The following FSIP1 variants were observed in gnomAD, a reference collection of about 807,000 sequenced individuals.
FSIP1 encodes the protein fibrous sheath-interacting protein 1.
Under a neutral mutation model 60.9 loss-of-function variants are expected in FSIP1, and 65 were observed. That is an observed-to-expected ratio of 1.07 (90% CI 0.87 to 1.31). FSIP1 has a LOEUF of 1.31. FSIP1 is among the 40% of genes most tolerant of loss of function. The pLI, the probability that FSIP1 is intolerant of heterozygous loss-of-function variation, is 0.00. For synonymous variants in FSIP1, 209 were observed against 221.2 expected, an observed-to-expected ratio of 0.94 and a Z score of 0.49; for missense variants, 675 against 665.5, an observed-to-expected ratio of 1.01 and a Z score of -0.16.
At chr15:39,761,160 T>C (rs529286795) in intron 5 of FSIP1, among the ~76,000 whole-genome samples, 1 of 152,258 alleles carries the variant, frequency 6.6e-6, no homozygotes, top group East Asian at 1.9e-4. Context: ...GAAAAGTGTA[T>C]GGAGGATCCT....
At chr15:39,655,076 G>A (rs1893020045) in intron 10 of FSIP1, among the ~76,000 whole-genome samples, 1 of 152,324 alleles carries the variant, frequency 6.6e-6, no homozygotes, top group African/African-American at 2.4e-5. Flanking sequence ...ATTAGGGTAT[G>A]GAAGTTGATA....
intron 10 of FSIP1, among the ~76,000 whole-genome samples, chr15:39,691,089 CTT>C (rs1015428438): frequency 2.0e-5 from 3 of 152,192 alleles, no homozygotes; most frequent in Non-Finnish European, 4.4e-5. Flanking sequence ...CACTGTGAGA[CTT>C]TGTCTCGCCA....
intron 10 of FSIP1, among the ~76,000 whole-genome samples, chr15:39,697,267 A>G (rs915578154): frequency 6.6e-6 from 1 of 152,178 alleles, no homozygotes; most frequent in Non-Finnish European, 1.5e-5. Context: ...ACAAAAACAA[A>G]AAAACCTAAA....
chr15:39,711,676 C>CTTTTTTTTT (rs66840718), intron 10 of FSIP1, among the ~76,000 whole-genome samples: 31 of 85,746 alleles, frequency 3.6e-4, no homozygotes, highest in Admixed American at 9.6e-4. Context: ...ATTCCTACTT[C>CTTTTTTTTT]TTTTTTTTTT....
At chr15:39,732,306 G>A (rs1341675027) in intron 8 of FSIP1, among the ~76,000 whole-genome samples, 4 of 152,166 alleles carry the variant, frequency 2.6e-5, no homozygotes, top group Non-Finnish European at 5.9e-5. Context: ...AGAGATTCAA[G>A]AGAAGATTAC....
At chr15:39,670,566 CAAT>C (rs1197056901) in intron 10 of FSIP1, among the ~76,000 whole-genome samples, 1 of 152,120 alleles carries the variant, frequency 6.6e-6, no homozygotes, top group Non-Finnish European at 1.5e-5. Context: ...ACTGCAGCCT[CAAT>C]ATTATTTTCT....
chr15:39,687,733 T>A (rs560634626), intron 10 of FSIP1, among the ~76,000 whole-genome samples: 135 of 152,344 alleles, frequency 8.9e-4, no homozygotes, highest in African/African-American at 3.1e-3. Context: ...AAGCCCTTAA[T>A]CAATGCTTGT....
At chr15:39,639,728 G>T (rs1892283213) in intron 10 of FSIP1, among the ~76,000 whole-genome samples, 1 of 152,024 alleles carries the variant, frequency 6.6e-6, no homozygotes, top group Admixed American at 6.6e-5. Context: ...TACTGTAAAG[G>T]GTTGAGTATC....
chr15:39,686,477 T>G (rs932569287), intron 10 of FSIP1, among the ~76,000 whole-genome samples: 1 of 152,294 alleles, frequency 6.6e-6, no homozygotes, highest in Non-Finnish European at 1.5e-5. Context: ...TATCGCCCCT[T>G]GGCAATGCAT....
rs965954960 is a variant in FSIP1 at position 39,742,388 on chromosome 15, G to C, written c.560-488C>G. Among the ~76,000 whole-genome samples, 8 of 152,180 alleles carry C rather than the reference G, an allele frequency of 5.3e-5. 1 individual carries two copies. The highest frequency in any genetic ancestry group is 1.2e-4 in the Non-Finnish European group (8 of 68,024). ...TTAGCAGTTAACTTTCTTCTTTTCT[G>C]ATGTATTTTCTTGGCACCTCCATAA... On this transcript the variant is annotated intron_variant, in intron 5 of 11. Transcript: ENST00000350221.
At chr15:39,781,860 T>C (rs1162511934) in intron 1 of FSIP1, among the ~76,000 whole-genome samples, 6 of 152,238 alleles carry the variant, frequency 3.9e-5, no homozygotes, top group African/African-American at 1.4e-4. Flanking sequence ...GGGTTCATGA[T>C]GAAACTTCCG....
chr15:39,709,598 A>G (rs1316740625), intron 10 of FSIP1, among the ~76,000 whole-genome samples: 1 of 152,138 alleles, frequency 6.6e-6, no homozygotes, highest in Non-Finnish European at 1.5e-5. Context: ...TACTCTCTTG[A>G]TTTTAAAGCA....
At chr15:39,769,244 A>C (rs984983266) in intron 3 of FSIP1, among the ~76,000 whole-genome samples, 14 of 149,802 alleles carry the variant, frequency 9.3e-5, no homozygotes, top group South Asian at 2.1e-4. Flanking sequence ...GCGCCACTGC[A>C]CTCCAGCCTG....
At chr15:39,731,129 A>G (rs1896388593) in intron 8 of FSIP1, among the ~76,000 whole-genome samples, 1 of 152,182 alleles carries the variant, frequency 6.6e-6, no homozygotes. Context: ...CAATATAAGG[A>G]TTATGATATA....
chr15:39,628,281 A>G (rs1891726215), intron 10 of FSIP1, among the ~76,000 whole-genome samples: 1 of 152,204 alleles, frequency 6.6e-6, no homozygotes, highest in African/African-American at 2.4e-5. Flanking sequence ...AGCCAGGGAG[A>G]GAAAGCCAAG....
intron 10 of FSIP1, among the ~76,000 whole-genome samples, chr15:39,669,305 C>A (rs1893625118): frequency 6.6e-6 from 1 of 152,224 alleles, no homozygotes; most frequent in Non-Finnish European, 1.5e-5. Flanking sequence ...GCCTGCATGG[C>A]AGTTCAGCTC....
intron 10 of FSIP1, among the ~76,000 whole-genome samples, chr15:39,644,339 C>T (rs1892501173): frequency 6.6e-6 from 1 of 152,154 alleles, no homozygotes. Context: ...ACGGCTGTTC[C>T]TGAGGTGATT....
intron 9 of FSIP1, among the ~76,000 whole-genome samples, chr15:39,719,513 A>C (rs998831111): frequency 6.6e-6 from 1 of 152,222 alleles, no homozygotes; most frequent in African/African-American, 2.4e-5. Context: ...TTTGAAGCAA[A>C]ATAAACTCAT....
intron 10 of FSIP1, among the ~76,000 whole-genome samples, chr15:39,625,713 G>C (rs1891612463): frequency 6.6e-6 from 1 of 152,126 alleles, no homozygotes; most frequent in South Asian, 2.1e-4. Flanking sequence ...AGGGGGCCTG[G>C]CACCTCTGCC....
Sources: allele counts gnomAD v4.1 joint callset (sites outside exome capture counted in the v4.1 genomes callset), GRCh38; gene constraint gnomAD v4.1.1; transcripts MANE v1.5; gene names NCBI Gene and HGNC (gene_info 2026-07-23, HGNC 2026-07-21).